Variants in TBC1D5 observed in about 807,000 individuals in gnomAD.
TBC1D5 encodes TBC1 domain family member 5, also known as TBC1 domain family, member 5.
In TBC1D5, 75 loss-of-function variants were observed where a neutral mutation model predicts 100.3. The observed-to-expected ratio is 0.75, with a 90% CI of 0.62 to 0.91. The LOEUF is 0.91. Ranked by LOEUF, TBC1D5 falls within the 40% of genes least tolerant of loss-of-function variation. The pLI is 0.00. For missense variants in TBC1D5, 910 were observed against 942.4 expected (o/e 0.97, Z 0.45); for synonymous variants, 323 against 325.6 (o/e 0.99, Z 0.09).
At chr3:17,475,548 TCAA>T (rs755753160) in intron 3 of TBC1D5, among the ~76,000 whole-genome samples, 4 of 152,080 alleles carry the variant, frequency 2.6e-5, no homozygotes, top group Non-Finnish European at 4.4e-5. Flanking sequence ...CCTGCAATCA[TCAA>T]CAAGTAGTTT....
chr3:17,533,769 T>C (rs2096256480), intron 2 of TBC1D5, among the ~76,000 whole-genome samples: 1 of 152,208 alleles, frequency 6.6e-6, no homozygotes, highest in Admixed American at 6.5e-5. Flanking sequence ...AGTATTATGT[T>C]ATTCTACTTT....
At chr3:17,571,493 G>GA (rs2096626895) in intron 2 of TBC1D5, among the ~76,000 whole-genome samples, 2 of 151,934 alleles carry the variant, frequency 1.3e-5, no homozygotes, top group African/African-American at 4.8e-5. Context: ...CAAGTGAATT[G>GA]AAAAAATCGA....
At chr3:17,286,699 A>C (rs1270245541) in intron 15 of TBC1D5, among the ~76,000 whole-genome samples, 1 of 152,232 alleles carries the variant, frequency 6.6e-6, no homozygotes, top group Non-Finnish European at 1.5e-5. Context: ...CATATATGGC[A>C]GTTTCATTTA....
chr3:17,203,673 T>C (rs1438674923), intron 18 of TBC1D5, among the ~76,000 whole-genome samples: 1 of 152,158 alleles, frequency 6.6e-6, no homozygotes, highest in East Asian at 1.9e-4. Context: ...ATTTGGTTGT[T>C]TAAAAGTGTG....
chr3:17,413,786 T>C (rs1559834742), intron 4 of TBC1D5, among the ~76,000 whole-genome samples: 1 of 152,192 alleles, frequency 6.6e-6, no homozygotes, highest in East Asian at 1.9e-4. Context: ...ATCCCATTTT[T>C]AAGCTTAACA....
At chr3:17,551,399 A>C (rs2096472184) in intron 2 of TBC1D5, among the ~76,000 whole-genome samples, 1 of 152,156 alleles carries the variant, frequency 6.6e-6, no homozygotes, top group African/African-American at 2.4e-5. Context: ...TTATTACAGC[A>C]ACACACACAA....
At chr3:17,223,062 T>C (rs960630355) in intron 17 of TBC1D5, among the ~76,000 whole-genome samples, 10 of 152,138 alleles carry the variant, frequency 6.6e-5, no homozygotes, top group Non-Finnish European at 8.8e-5. Context: ...AGGCATTATA[T>C]ATCAAATCTA....
chr3:17,703,903 GT>G (rs36000123), intron 1 of TBC1D5, among the ~76,000 whole-genome samples: 10,246 of 145,100 alleles, frequency 0.071, 713 homozygotes, highest in African/African-American at 0.19. Flanking sequence ...TGATATTTGT[GT>G]TTTTTTTTTG....
At chr3:17,458,300 C>T (rs1458824809) in intron 3 of TBC1D5, among the ~76,000 whole-genome samples, 2 of 152,160 alleles carry the variant, frequency 1.3e-5, no homozygotes, top group African/African-American at 4.8e-5. Flanking sequence ...TTCATCAGTA[C>T]TTAAGGGGAA....
intron 15 of TBC1D5, among the ~76,000 whole-genome samples, chr3:17,271,064 G>T (rs774534072): frequency 3.9e-5 from 6 of 152,104 alleles, no homozygotes; most frequent in Non-Finnish European, 8.8e-5. Context: ...CTCCAGCTTT[G>T]TCCCTTTTGC....
Position 17,540,709 on chromosome 3 carries a change from C to T in TBC1D5, c.-35-32104G>A, listed in dbSNP as rs562805805. ...AGATCACGAGGTCAAGAGATCGAGACCATCCTGGCCAACATGGTGAAACCC... is the reference window on the plus strand; with the variant it reads ...AGATCACGAGGTCAAGAGATCGAGATCATCCTGGCCAACATGGTGAAACCC... On this transcript the variant is annotated intron_variant, in intron 2 of 21. Transcript: ENST00000253692. Among the ~76,000 whole-genome samples the T allele has an allele frequency of 2.7e-3, 412 of 151,820 alleles. 2 individuals are homozygous for T. The highest frequency in any genetic ancestry group is 4.9e-3 in the Non-Finnish European group (330 of 67,952).
intron 1 of TBC1D5, among the ~76,000 whole-genome samples, chr3:17,701,361 G>C (rs1228960397): frequency 1.3e-5 from 2 of 152,088 alleles, no homozygotes; most frequent in Admixed American, 1.3e-4. Flanking sequence ...AGCATTAGGA[G>C]AAATACCTAA....
At position 17,327,104 on chromosome 3, in the gene TBC1D5, T is replaced by C. The variant is rs116517048; in HGVS notation, c.996-18970A>G. Among the ~76,000 whole-genome samples, 521 of 152,304 alleles carry C rather than the reference T, an allele frequency of 3.4e-3. 2 individuals carry two copies. The highest frequency in any genetic ancestry group is 0.012 in the African/African-American group (507 of 41,570). On this transcript the variant is annotated intron_variant, in intron 13 of 21. Transcript: ENST00000253692. ...CCAATCATTCATTTAAATTTAAAAA[T>C]TTACCTTTTATTTAACTGAATAAAT... is the stretch of plus-strand genomic sequence containing the variant.
chr3:17,363,739 G>C (rs1351614165), intron 13 of TBC1D5, among the ~76,000 whole-genome samples: 1 of 151,514 alleles, frequency 6.6e-6, no homozygotes, highest in Admixed American at 6.6e-5. Context: ...ATAGCTGAAA[G>C]TTTTCACTAT....
chr3:17,523,566 G>C (rs1442174234), intron 2 of TBC1D5, among the ~76,000 whole-genome samples: 1 of 152,108 alleles, frequency 6.6e-6, no homozygotes, highest in African/African-American at 2.4e-5. Context: ...ACTCAAAAAA[G>C]ATTGTTCTGA....
chr3:17,508,053 TA>T (rs202095614), intron 3 of TBC1D5, among the ~76,000 whole-genome samples: 11 of 147,936 alleles, frequency 7.4e-5, no homozygotes, highest in Non-Finnish European at 9.0e-5. Flanking sequence ...TCAATTACTT[TA>T]AAAAAAAAAG....
intron 8 of TBC1D5, among the ~76,000 whole-genome samples, chr3:17,390,708 T>C (rs766022889): frequency 6.6e-6 from 1 of 152,114 alleles, no homozygotes; most frequent in Non-Finnish European, 1.5e-5. Flanking sequence ...TAGAATACTA[T>C]TAACCACCAA....
In TBC1D5 at chr3:17,374,545, A is replaced by T; in HGVS notation, c.753-5T>A. ...ATAAGTTGTGAGAACACTGCACTAA[A>T]AATAAAATAACACAATGCTATGTAA... On this transcript the variant is annotated splice_polypyrimidine_tract_variant and splice_region_variant and intron_variant, in intron 11 of 21. Transcript: ENST00000253692. 3 of 1,611,204 alleles carry T rather than the reference A, an allele frequency of 1.9e-6. No individual in the cohort carries two copies. The highest frequency in any genetic ancestry group is 2.5e-6 in the Non-Finnish European group (3 of 1,178,728).
chr3:17,431,703 A>T (rs1320516843), intron 3 of TBC1D5, among the ~76,000 whole-genome samples: 1 of 152,062 alleles, frequency 6.6e-6, no homozygotes, highest in African/African-American at 2.4e-5. Context: ...GCTGATAGTT[A>T]CATTGGCTTA....
Sources: gnomAD v4.1 joint callset for allele counts (sites outside exome capture counted in the v4.1 genomes callset) on GRCh38, gnomAD v4.1.1 for gene constraint, MANE v1.5 for transcripts, NCBI Gene and HGNC (gene_info 2026-07-23, HGNC 2026-07-21) for gene names.